INO80D: variants seen among roughly 807,000 people sequenced by gnomAD.
INO80D encodes the protein INO80 complex subunit D.
A neutral mutation model predicts 87.6 loss-of-function variants in INO80D; 21 were observed. The observed-to-expected ratio is 0.24, with a 90% confidence interval of 0.17 to 0.35. The LOEUF is 0.35. Ranked by LOEUF, INO80D falls within the 10% of genes least tolerant of loss-of-function variation. The probability of loss-of-function intolerance (pLI) is 1.00; values close to 1 mark genes in which losing one functional copy is unlikely to be tolerated. For synonymous variants in INO80D, 440 were observed against 491.0 expected (o/e 0.90, Z 1.37); for missense variants, 982 against 1,280.7 (o/e 0.77, Z 3.56).
chr2:206,047,125 A>G (rs537448175), intron 4 of INO80D, among the ~76,000 whole-genome samples: 2 of 152,290 alleles, frequency 1.3e-5, no homozygotes, highest in South Asian at 4.1e-4. Context: ...GCTAAGCTAT[A>G]TTCCACAGAT....
intron 1 of INO80D, among the ~76,000 whole-genome samples, chr2:206,069,762 C>A (rs1197662722): frequency 1.3e-5 from 2 of 152,146 alleles, no homozygotes; most frequent in African/African-American, 4.8e-5. Context: ...GAAAAATTTC[C>A]AGACTTACAA....
intron 4 of INO80D, among the ~76,000 whole-genome samples, chr2:206,052,940 T>A (rs1221384111): frequency 6.6e-6 from 1 of 152,140 alleles, no homozygotes; most frequent in Non-Finnish European, 1.5e-5. Context: ...GAAACACTAA[T>A]CTAAGATATG....
chr2:206,069,263 A>G (rs1689898210), intron 1 of INO80D, among the ~76,000 whole-genome samples: 2 of 152,092 alleles, frequency 1.3e-5, no homozygotes, highest in Non-Finnish European at 2.9e-5. Context: ...GACTTTTATG[A>G]TGATCTGCTT....
At chr2:206,084,971 G>C (rs911933757) in intron 1 of INO80D, among the ~76,000 whole-genome samples, 1 of 152,186 alleles carries the variant, frequency 6.6e-6, no homozygotes, top group Non-Finnish European at 1.5e-5. Flanking sequence ...AGGGGGAAGG[G>C]GCTGGAGTTA....
In INO80D at chr2:206,049,575, G is replaced by A. The variant is rs569798888; in HGVS notation, c.965-2963C>T. Among the ~76,000 whole-genome samples the A allele has an allele frequency of 2.0e-5, 3 of 152,258 alleles. No individual in the cohort carries two copies. In the East Asian group the frequency reaches 5.8e-4, roughly 29 times the overall value. On this transcript the variant is annotated intron_variant, in intron 4 of 10. Transcript: ENST00000403263. ...AAGACGGAAGTGTTTTTCCTGCTGT[G>A]AAACTAACTGTCCAATAAAGCAAAC...
chr2:206,035,970 T>C (rs1177586807), intron 5 of INO80D, among the ~76,000 whole-genome samples: 1 of 151,796 alleles, frequency 6.6e-6, no homozygotes, highest in Non-Finnish European at 1.5e-5. Flanking sequence ...AACAAACATA[T>C]GAAAAAATGC....
intron 5 of INO80D, among the ~76,000 whole-genome samples, chr2:206,029,671 C>A (rs966288429): frequency 3.9e-5 from 6 of 152,056 alleles, no homozygotes; most frequent in Non-Finnish European, 5.9e-5. Context: ...AGCACATTCT[C>A]GTCAGTATAC....
chr2:206,059,238 G>A (rs1287036537), intron 3 of INO80D, among the ~76,000 whole-genome samples: 3 of 151,858 alleles, frequency 2.0e-5, no homozygotes, highest in Non-Finnish European at 2.9e-5. Flanking sequence ...AAAATTAGCC[G>A]GGTGTGGTGG....
chr2:206,068,726 G>A (rs1689884031), intron 1 of INO80D, among the ~76,000 whole-genome samples: 1 of 151,792 alleles, frequency 6.6e-6, no homozygotes, highest in East Asian at 1.9e-4. Flanking sequence ...TTGAGACAGT[G>A]TCTCACTCTG....
chr2:206,049,317 C>T (rs1285974962), intron 4 of INO80D, among the ~76,000 whole-genome samples: 6 of 152,104 alleles, frequency 3.9e-5, no homozygotes, highest in Admixed American at 1.3e-4. Context: ...GTTACTTTCT[C>T]AACTGAAATA....
At chr2:206,022,521 A>T (rs930753016) in intron 6 of INO80D, among the ~76,000 whole-genome samples, 4 of 152,184 alleles carry the variant, frequency 2.6e-5, no homozygotes, top group African/African-American at 9.6e-5. Context: ...TCCCTTTGAC[A>T]TGCCCTATTG....
chr2:206,018,366 G>A (rs755468240), intron 7 of INO80D, among the ~76,000 whole-genome samples: 4 of 152,006 alleles, frequency 2.6e-5, no homozygotes, highest in Non-Finnish European at 4.4e-5. Flanking sequence ...GGCTGGTCTC[G>A]AACTCCTGAC....
chr2:206,020,679 A>T (rs1459723143), intron 6 of INO80D, among the ~76,000 whole-genome samples: 1 of 152,176 alleles, frequency 6.6e-6, no homozygotes, highest in African/African-American at 2.4e-5. Flanking sequence ...TGAATAAGCA[A>T]TGCATTCACA....
chr2:206,046,738 A>T, intron 4 of INO80D, 126 bp from the exon 5 acceptor site: 1 of 598,952 alleles, frequency 1.7e-6, no homozygotes, highest in Non-Finnish European at 3.0e-6. Flanking sequence ...GTGTGAATAA[A>T]TGTCTCCTGA....
chr2:206,012,746 G>A (rs955512047), intron 8 of INO80D, among the ~76,000 whole-genome samples: 1 of 151,850 alleles, frequency 6.6e-6, no homozygotes, highest in Non-Finnish European at 1.5e-5. Context: ...GCACACGCCT[G>A]CAGTCCCAGC....
rs769684093 is a variant in INO80D at position 206,062,947 on chromosome 2, G to A, written c.70C>T (p.Leu24=). 4 of 1,613,388 alleles carry A rather than the reference G, an allele frequency of 2.5e-6. No individual in the cohort carries two copies. The highest frequency in any genetic ancestry group is 3.4e-6 in the Non-Finnish European group (4 of 1,179,734). ...NKPLCSYSPK[L]CKQRRLNGYA... is the part of the protein sequence containing the mutation. The stretch of plus-strand genomic sequence containing the variant: ...CCGTTGAGTCGCCTCTGCTTGCACA[G>A]TTTGGGGCTATATGAGCACAAGGGC... Residue 24 remains leucine, a synonymous_variant, in exon 3 of 11, where the codon CTG becomes TTG. Coordinates refer to ENST00000403263, the MANE Select transcript of INO80D (RefSeq NM_017759.5). This position sits in a 1 kb window ranked among gnomAD's most constrained non-coding sequence, Gnocchi z 4.6.
intron 1 of INO80D, among the ~76,000 whole-genome samples, chr2:206,066,354 T>C (rs1559461880): frequency 6.6e-6 from 1 of 152,020 alleles, no homozygotes; most frequent in Non-Finnish European, 1.5e-5. Context: ...GAAAAGGAAA[T>C]AATACATCAA....
intron 6 of INO80D, among the ~76,000 whole-genome samples, chr2:206,021,571 T>A (rs1027826739): frequency 2.0e-5 from 3 of 152,210 alleles, no homozygotes; most frequent in Admixed American, 6.5e-5. Flanking sequence ...TCAAATTCTC[T>A]TGGTCTAGAT....
Position 206,017,724 on chromosome 2 carries a change from T to C in INO80D, c.1498A>G (p.Ile500Val), listed in dbSNP as rs1227594832. The C allele has an allele frequency of 1.2e-6, 2 of 1,612,544 alleles. No homozygotes were observed. Among genetic ancestry groups the C allele is most frequent in the Non-Finnish European group, 1.7e-6 (2 of 1,179,402 alleles). ...GQQCSVPVFD[I>V]THQTPLCEEH... is the part of the protein sequence containing the mutation. The stretch of plus-strand genomic sequence containing the variant: ...TCACACAGAGGTGTCTGATGTGTAA[T>C]GTCAAAAACTGGCACAGAGCACTGC... Residue 500 changes from isoleucine to valine, a missense_variant, in exon 8 of 11, where the codon ATT (isoleucine) becomes GTT (valine). Ile to Val is a conservative substitution (Grantham distance 29). Transcript: ENST00000403263.
Sources: gnomAD v4.1 joint callset for allele counts (sites outside exome capture counted in the v4.1 genomes callset) on GRCh38, gnomAD v4.1.1 for gene constraint, Gnocchi (gnomAD v3.1) non-coding constraint, MANE v1.5 for transcripts, NCBI Gene and HGNC (gene_info 2026-07-23, HGNC 2026-07-21) for gene names.